CROCC2: variants seen among roughly 807,000 people sequenced by gnomAD.
CROCC2 encodes the protein ciliary rootlet coiled-coil protein 2.
CROCC2 carries 163 observed loss-of-function variants against 177.6 expected under a neutral mutation model. The observed-to-expected ratio is 0.92, with a 90% CI of 0.81 to 1.05. The LOEUF is 1.05. Ranked by LOEUF, CROCC2 falls within the 50% of genes least tolerant of loss-of-function variation. The pLI, the probability that CROCC2 is intolerant of heterozygous loss-of-function variation, is 0.00. For synonymous variants in CROCC2, 904 were observed against 787.3 expected (o/e 1.15, Z -2.48); for missense variants, 1,929 against 1,797.8 (o/e 1.07, Z -1.32).
At chr2:240,920,439 C>T (rs1469414030) in intron 3 of CROCC2, among the ~76,000 whole-genome samples, 8 of 152,168 alleles carry the variant, frequency 5.3e-5, no homozygotes, top group Non-Finnish European at 7.3e-5. Context: ...CGCACCTGCC[C>T]GGGAGCCCTG....
chr2:240,955,955 CA>C lies in CROCC2; in HGVS notation c.2927del (p.Gln976ArgfsTer16). Reference protein sequence around the residue: ...LERVQQEAQSQQEQAQATISA... With the variant: ...LERVQQEAQSXQEQAQATISA... Reference sequence around the variant, plus strand: ...GCGGGTACAGCAGGAGGCACAGAGCCAGCAGGAGCAAGCGCAGGTGAGCCCC... The same window carrying C: ...GCGGGTACAGCAGGAGGCACAGAGCCGCAGGAGCAAGCGCAGGTGAGCCCC... On this transcript the variant is annotated frameshift_variant, in exon 19 of 32. Coordinates refer to ENST00000690015, the MANE Select transcript of CROCC2 (RefSeq NM_001351305.2). LOFTEE classifies it high-confidence loss of function. 1 of 1,534,558 alleles carries C rather than the reference CA, an allele frequency of 6.5e-7. No individual in the cohort carries two copies. Among genetic ancestry groups the C allele is most frequent in the Non-Finnish European group, 8.7e-7 (1 of 1,146,864 alleles).
rs924321270 is a variant in CROCC2 at position 240,982,190 on chromosome 2, T to A, written c.4402-690T>A. ...AAGGCAGTGGCATGGCCGATGATAG[T>A]CAAGTGAAATGCACCCTCAGCCATC... On this transcript the variant is annotated intron_variant, in intron 27 of 31. Transcript: ENST00000690015. This position sits in a 1 kb window ranked among gnomAD's most constrained non-coding sequence, Gnocchi z 4.7. 2 of 151,862 alleles carry A rather than the reference T, an allele frequency of 1.3e-5. No homozygotes were observed. Among genetic ancestry groups the A allele is most frequent in the Non-Finnish European group, 2.9e-5 (2 of 68,064 alleles). The allele number at this position is 151,862 out of a possible 1,614,324, so 9.4% of individuals were successfully genotyped here. A position where few individuals can be genotyped will look rare whatever the true frequency, so the allele number is the denominator to read the frequency against.
chr2:240,950,687 C>A, intron 18 of CROCC2, 177 bp downstream of exon 18: 1 of 618,952 alleles, frequency 1.6e-6, no homozygotes, highest in Non-Finnish European at 2.8e-6. Flanking sequence ...ATCTGTTCAT[C>A]CAGCCATCTG....
chr2:240,968,067 T>G, intron 26 of CROCC2, 62 bp from the exon 27 acceptor site: 1 of 1,370,740 alleles, frequency 7.3e-7, no homozygotes, highest in South Asian at 1.8e-5. Flanking sequence ...GAGCCCTGCA[T>G]TGCCTGCCTG....
At chr2:240,986,094 G>A (rs993069565) in intron 28 of CROCC2, 1 of 382,190 alleles carries the variant, frequency 2.6e-6, no homozygotes, top group Non-Finnish European at 5.4e-6. Context: ...AGCATGCGTT[G>A]TTTAAATGAC....
intron 5 of CROCC2, among the ~76,000 whole-genome samples, chr2:240,927,760 C>G (rs536730801): frequency 9.8e-5 from 15 of 152,342 alleles, no homozygotes; most frequent in African/African-American, 3.4e-4. Flanking sequence ...AAACGATTCT[C>G]CCGCCTCAAC....
At chr2:240,990,923 C>T (rs1316235837) in intron 30 of CROCC2, among the ~76,000 whole-genome samples, 1 of 152,218 alleles carries the variant, frequency 6.6e-6, no homozygotes, top group Non-Finnish European at 1.5e-5. Flanking sequence ...CAGAAGCGGG[C>T]CCATCCACCA....
chr2:240,915,255 C>G (rs371754513), intron 1 of CROCC2, among the ~76,000 whole-genome samples: 95 of 152,342 alleles, frequency 6.2e-4, no homozygotes, highest in Middle Eastern at 3.4e-3. Context: ...GCCCTGAAAC[C>G]CCCGGTCCCC....
chr2:240,946,035 A>G (rs2059521491), intron 14 of CROCC2, 25 bp from the exon 15 acceptor site: 1 of 1,468,386 alleles, frequency 6.8e-7, no homozygotes, highest in African/African-American at 1.4e-5. Flanking sequence ...TTCTCTGCCG[A>G]CTGTCCCCTC....
chr2:240,962,472 G>A (rs2059649721), intron 20 of CROCC2, among the ~76,000 whole-genome samples: 1 of 152,166 alleles, frequency 6.6e-6, no homozygotes, highest in African/African-American at 2.4e-5. Flanking sequence ...CACGGTCATG[G>A]CTCCCACGTG....
At position 240,934,339 on chromosome 2, in the gene CROCC2, G is replaced by C; in HGVS notation, c.1655G>C (p.Arg552Pro). 6.5e-7 allele frequency: 1 copy of C among 1,548,430 alleles called. No individual in the cohort carries two copies. The highest frequency in any genetic ancestry group is 8.7e-7 in the Non-Finnish European group (1 of 1,146,818). ...SCRALETSQG[R>P]LQQLEEKVSG... ...CTGGTCTGGGGCCTCAGTCAAGGCCGCCTGCAGCAGCTGGAGGAGAAGGTC... is the reference window on the plus strand; with the variant it reads ...CTGGTCTGGGGCCTCAGTCAAGGCCCCCTGCAGCAGCTGGAGGAGAAGGTC... The change falls in exon 12 of 32, where the codon CGC becomes CCC. Residue 552 changes from arginine (R) to proline (P), a missense_variant. Arg to Pro is a moderately radical substitution (Grantham distance 103, BLOSUM62 -2). Coordinates refer to ENST00000690015, the MANE Select transcript of CROCC2 (RefSeq NM_001351305.2).
rs542183358 is a variant in CROCC2, at chr2:240,993,102, C to T, written c.*21C>T. On this transcript the variant is annotated 3_prime_UTR_variant, in exon 32 of 32. Transcript: ENST00000690015. ...ACTGAAGCTCCCAGCACAGGGGAGGCGCCCAGCGTGGCTGCAGAGGAAGGG... is the reference window on the plus strand; with the variant it reads ...ACTGAAGCTCCCAGCACAGGGGAGGTGCCCAGCGTGGCTGCAGAGGAAGGG... 11 of 716,324 alleles carry T rather than the reference C, an allele frequency of 1.5e-5. No homozygotes were observed. The East Asian group carries it at 1.9e-4, about 12-fold the overall frequency. 44.4% of individuals were successfully genotyped at this position (716,324 alleles called of 1,614,324 possible).
intron 27 of CROCC2, among the ~76,000 whole-genome samples, chr2:240,978,322 G>C (rs2059778650): frequency 2.1e-5 from 1 of 48,648 alleles, no homozygotes; most frequent in African/African-American, 1.5e-4. Context: ...CTCTGGGGTA[G>C]GAGCCTCTGG....
chr2:240,933,507 G>A (rs1279236199), intron 10 of CROCC2, among the ~76,000 whole-genome samples, 163 bp from the exon 11 acceptor site: 2 of 152,192 alleles, frequency 1.3e-5, no homozygotes, highest in African/African-American at 4.8e-5. Context: ...GCGTGGGCCA[G>A]GGTGGGACAC....
intron 28 of CROCC2, chr2:240,983,525 G>A (rs1330639862): frequency 6.4e-6 from 8 of 1,259,562 alleles, no homozygotes; most frequent in Middle Eastern, 3.2e-4. Flanking sequence ...GCTGCGCACC[G>A]AGCGGGCGCG....
intron 27 of CROCC2, among the ~76,000 whole-genome samples, chr2:240,970,489 G>T (rs1433590005): frequency 6.6e-6 from 1 of 152,210 alleles, no homozygotes; most frequent in East Asian, 1.9e-4. Context: ...TGTCTTGCAT[G>T]GCAGGGATGA....
chr2:240,946,011 C>A, intron 14 of CROCC2, 49 bp from the exon 15 acceptor site: 1 of 1,403,378 alleles, frequency 7.1e-7, no homozygotes, highest in South Asian at 1.5e-5. Context: ...TGCTCACCCA[C>A]CCACTTACTC....
At chr2:240,933,049 G>A (rs564933615) in intron 9 of CROCC2, 82 bp from the exon 10 acceptor site, 2 of 1,526,274 alleles carry the variant, frequency 1.3e-6, no homozygotes, top group East Asian at 2.5e-5. Context: ...TGTCCTTTCT[G>A]GGGAGTCGCA....
intron 27 of CROCC2, among the ~76,000 whole-genome samples, chr2:240,970,548 G>C (rs1386500087): frequency 6.6e-6 from 1 of 152,218 alleles, no homozygotes; most frequent in African/African-American, 2.4e-5. Context: ...GCATCTTATG[G>C]CTGGGCCAGG....
Sources: gnomAD v4.1 joint callset for allele counts (sites outside exome capture counted in the v4.1 genomes callset) on GRCh38, gnomAD v4.1.1 for gene constraint, Gnocchi (gnomAD v3.1) non-coding constraint, MANE v1.5 for transcripts, NCBI Gene and HGNC (gene_info 2026-07-23, HGNC 2026-07-21) for gene names.